GTF3C5: variants seen among roughly 807,000 people sequenced by gnomAD.
The protein encoded by GTF3C5 is general transcription factor IIIC subunit 5.
In GTF3C5, 47 loss-of-function variants were observed where a neutral mutation model predicts 61.0. The ratio of observed to expected loss-of-function variants is 0.77; its 90% confidence interval spans 0.61 to 0.98. The LOEUF (loss-of-function observed/expected upper bound fraction) is 0.98, where lower values mean the gene tolerates loss of function less well. Ranked by LOEUF, GTF3C5 falls within the 50% of genes least tolerant of loss-of-function variation. The pLI is 0.00. For synonymous variants in GTF3C5, 295 were observed against 275.4 expected, an observed-to-expected ratio of 1.07 and a Z score of -0.71; for missense variants, 659 against 703.3, an observed-to-expected ratio of 0.94 and a Z score of 0.71.
intron 1 of GTF3C5, among the ~76,000 whole-genome samples, chr9:133,040,889 G>A (rs1284632982): frequency 6.6e-6 from 1 of 152,170 alleles, no homozygotes; most frequent in East Asian, 1.9e-4. Flanking sequence ...TCATAGACAT[G>A]ATTATATATG....
chr9:133,056,821 G>A lies in GTF3C5; in HGVS notation c.1306G>A (p.Asp436Asn), dbSNP rs1829952780. ...GGCAGAGAATTCCTGCACAGAACGG[G>A]ATGGGTGGTGCCTCCCCAAGACCAG... Reference protein sequence around the residue: ...DGAENSCTERDGWCLPKTSDE... With the variant: ...DGAENSCTERNGWCLPKTSDE... The change falls in exon 10 of 11, where the codon GAT becomes AAT. Residue 436 changes from aspartate to asparagine, a missense_variant. By Grantham distance (23) the Asp-to-Asn change is conservative. Coordinates refer to ENST00000372097, the MANE Select transcript of GTF3C5 (RefSeq NM_012087.4). 6.2e-7 allele frequency: 1 copy of A among 1,612,234 alleles called. No individual in the cohort carries two copies. Among genetic ancestry groups the A allele is most frequent in the Non-Finnish European group, 8.5e-7 (1 of 1,179,214 alleles).
At chr9:133,054,886 G>A (rs1021795770) in intron 8 of GTF3C5, 77 bp downstream of exon 8, 3 of 1,537,730 alleles carry the variant, frequency 2.0e-6, no homozygotes, top group Admixed American at 2.0e-5. Flanking sequence ...TGACACCTGG[G>A]GGGCTGTGAT....
intron 3 of GTF3C5, among the ~76,000 whole-genome samples, chr9:133,044,925 G>C (rs527779121): frequency 2.3e-5 from 3 of 128,434 alleles, no homozygotes; most frequent in Non-Finnish European, 4.7e-5. Context: ...CACAGGCTCC[G>C]TGCACAGCCT....
chr9:133,049,605 G>A (rs970382754), intron 3 of GTF3C5, among the ~76,000 whole-genome samples: 2 of 152,106 alleles, frequency 1.3e-5, no homozygotes, highest in African/African-American at 4.8e-5. Flanking sequence ...AGCTGGTGAC[G>A]GGCTTGTGGG....
At chr9:133,047,669 G>A (rs1445061234) in intron 3 of GTF3C5, among the ~76,000 whole-genome samples, 6 of 152,026 alleles carry the variant, frequency 3.9e-5, no homozygotes, top group South Asian at 4.2e-4. Context: ...TTACAGGTGC[G>A]CGCCATCACG....
chr9:133,038,450 CTTT>C (rs1185522066), intron 1 of GTF3C5, among the ~76,000 whole-genome samples: 2 of 129,760 alleles, frequency 1.5e-5, no homozygotes, highest in Non-Finnish European at 1.7e-5. Flanking sequence ...CCCCTAGGAG[CTTT>C]TTTTTTTTTT....
intron 8 of GTF3C5, chr9:133,055,308 A>G: frequency 1.4e-6 from 2 of 1,384,436 alleles, no homozygotes; most frequent in Middle Eastern, 1.9e-4. Context: ...GCCCTGGGGG[A>G]GGCCGAGAAG....
chr9:133,049,854 A>T (rs73662419), intron 3 of GTF3C5, among the ~76,000 whole-genome samples: 3 of 146,860 alleles, frequency 2.0e-5, no homozygotes, highest in African/African-American at 8.2e-5. Flanking sequence ...CCCCCCAGCC[A>T]CCCCCACTCA....
At chr9:133,035,870 G>A (rs1415404500) in intron 1 of GTF3C5, among the ~76,000 whole-genome samples, 17 of 152,190 alleles carry the variant, frequency 1.1e-4, no homozygotes, top group Admixed American at 9.2e-4. Context: ...CAAGGTCTTG[G>A]CCTTTGCTAT....
chr9:133,045,210 C>T (rs1276037096), intron 3 of GTF3C5, among the ~76,000 whole-genome samples: 2 of 152,204 alleles, frequency 1.3e-5, no homozygotes, highest in African/African-American at 4.8e-5. Context: ...TATTTCACGT[C>T]CCTGTGCAGC....
intron 6 of GTF3C5, among the ~76,000 whole-genome samples, 199 bp downstream of exon 6, chr9:133,054,141 C>T (rs1035007041): frequency 6.6e-6 from 1 of 152,228 alleles, no homozygotes; most frequent in Non-Finnish European, 1.5e-5. Flanking sequence ...ACTGACCGCC[C>T]GTTTCTGAAC....
At chr9:133,048,356 G>T (rs532547213) in intron 3 of GTF3C5, among the ~76,000 whole-genome samples, 2 of 151,922 alleles carry the variant, frequency 1.3e-5, no homozygotes, top group Non-Finnish European at 2.9e-5. Context: ...AATTAGCCAG[G>T]TGTGGTGGTG....
chr9:133,046,252 G>A (rs686268), intron 3 of GTF3C5, among the ~76,000 whole-genome samples: 39,877 of 152,110 alleles, frequency 0.26, 6,348 homozygotes, highest in Non-Finnish European at 0.34. Flanking sequence ...GATTGGTTGA[G>A]CCCAGGATTT....
intron 8 of GTF3C5, chr9:133,055,810 G>C: frequency 7.2e-7 from 1 of 1,391,190 alleles, no homozygotes; most frequent in Non-Finnish European, 9.3e-7. Context: ...GTGCTCCTCT[G>C]CCTCTCCCAG....
chr9:133,053,711 C>A, intron 5 of GTF3C5, 117 bp from the exon 6 acceptor site: 1 of 596,648 alleles, frequency 1.7e-6, no homozygotes, highest in South Asian at 2.6e-5. Context: ...CAGGGCTGGG[C>A]ATCCAGAGCC....
chr9:133,044,995 A>T (rs1404040754), intron 3 of GTF3C5, among the ~76,000 whole-genome samples: 1 of 152,080 alleles, frequency 6.6e-6, no homozygotes, highest in Non-Finnish European at 1.5e-5. Flanking sequence ...TTCTTGACAT[A>T]ATTAGAGACC....
intron 1 of GTF3C5, among the ~76,000 whole-genome samples, chr9:133,038,186 G>C (rs116312700): frequency 0.013 from 1,923 of 152,270 alleles, 24 homozygotes; most frequent in African/African-American, 0.041. Flanking sequence ...GAACAAAGAA[G>C]AAGGGAGTTG....
rs144659860 is a variant in GTF3C5, at chr9:133,031,056, C to G, written c.45C>G (p.Pro15=). The change falls in exon 1 of 11, where the codon CCC becomes CCG. Residue 15 remains proline, a synonymous_variant. Coordinates refer to ENST00000372097, the MANE Select transcript of GTF3C5 (RefSeq NM_012087.4). The part of the protein sequence containing the change: ...AADLGLGAAV[P]VELRRERRMV... ...ATTTGGGGCTGGGGGCCGCCGTCCC[C>G]GTGGAGCTGAGGCGGGAGCGACGCA... is the stretch of plus-strand genomic sequence containing the variant. The G allele has an allele frequency of 3.1e-6, 5 of 1,612,160 alleles. No individual in the cohort carries two copies. The highest frequency in any genetic ancestry group is 1.7e-6 in the Non-Finnish European group (2 of 1,179,138).
rs538593449 is a variant in GTF3C5, at chr9:133,051,861, C to T, written c.769-199C>T. The T allele has an allele frequency of 2.3e-3, 1,018 of 444,158 alleles. 1 individual carries two copies. Among genetic ancestry groups the T allele is most frequent in the Non-Finnish European group, 3.5e-3 (876 of 250,302 alleles). 27.5% of individuals were successfully genotyped at this position (444,158 alleles called of 1,614,324 possible). Reference sequence around the variant, plus strand: ...ACAACTGCACTTGGCACAGGCTGGGCATGCAGCCCAGGCTTCTGAGGGAAG... The same window carrying T: ...ACAACTGCACTTGGCACAGGCTGGGTATGCAGCCCAGGCTTCTGAGGGAAG... On this transcript the variant is annotated intron_variant, in intron 4 of 10. Coordinates refer to ENST00000372097, the MANE Select transcript of GTF3C5 (RefSeq NM_012087.4).
Sources: gnomAD v4.1 joint callset for allele counts (sites outside exome capture counted in the v4.1 genomes callset) on GRCh38, gnomAD v4.1.1 for gene constraint, MANE v1.5 for transcripts, NCBI Gene and HGNC (gene_info 2026-07-23, HGNC 2026-07-21) for gene names.